Variants in FHIT observed in about 807,000 individuals in gnomAD.
The protein encoded by FHIT is bis(5'-adenosyl)-triphosphatase.
Under a neutral mutation model 17.9 loss-of-function variants are expected in FHIT, and 19 were observed. That is an observed-to-expected ratio of 1.06 (90% CI 0.74 to 1.56). FHIT has a LOEUF of 1.56. Ranked by LOEUF, FHIT falls within the 40% of genes most tolerant of loss-of-function variation. The pLI is 0.00. For synonymous variants in FHIT, 81 were observed against 69.7 expected (o/e 1.16, Z -0.81); for missense variants, 248 against 189.2 (o/e 1.31, Z -1.82).
intron 5 of FHIT, among the ~76,000 whole-genome samples, chr3:60,409,315 T>C (rs1006995100): frequency 7.2e-5 from 11 of 152,136 alleles, no homozygotes; most frequent in Non-Finnish European, 1.2e-4. Context: ...AACCCTTTGT[T>C]TAGAGAGAAG....
chr3:60,214,010 A>G (rs564057824), intron 5 of FHIT, among the ~76,000 whole-genome samples: 2 of 152,178 alleles, frequency 1.3e-5, no homozygotes, highest in Non-Finnish European at 2.9e-5. Context: ...TGTGGAACAT[A>G]GGTGTCATGC....
intron 7 of FHIT, among the ~76,000 whole-genome samples, chr3:59,972,183 C>A (rs1229649644): frequency 1.3e-5 from 2 of 152,014 alleles, no homozygotes; most frequent in African/African-American, 4.8e-5. Flanking sequence ...CAGAATGTGC[C>A]CTGTTAAGTT....
At chr3:61,162,800 C>A (rs890373446) in intron 2 of FHIT, among the ~76,000 whole-genome samples, 1 of 152,014 alleles carries the variant, frequency 6.6e-6, no homozygotes, top group South Asian at 2.1e-4. Context: ...TCAATTAATC[C>A]CCCTACCCCA....
intron 5 of FHIT, among the ~76,000 whole-genome samples, chr3:60,439,292 C>CT (rs2030578656): frequency 6.6e-6 from 1 of 152,106 alleles, no homozygotes; most frequent in Admixed American, 6.6e-5. Context: ...TTATAATGTC[C>CT]TAAAAACATT....
intron 4 of FHIT, among the ~76,000 whole-genome samples, chr3:60,554,255 G>C (rs1576868079): frequency 7.0e-6 from 1 of 142,702 alleles, no homozygotes; most frequent in Non-Finnish European, 1.5e-5. Context: ...AAAAAAAAAA[G>C]AACAAACAAA....
At chr3:61,214,819 G>T (rs918606934) in intron 1 of FHIT, among the ~76,000 whole-genome samples, 15 of 152,276 alleles carry the variant, frequency 9.9e-5, no homozygotes, top group African/African-American at 3.4e-4. Flanking sequence ...ATGATCAAGT[G>T]GGCTTCATCC....
chr3:60,256,842 A>G (rs188058897), intron 5 of FHIT, among the ~76,000 whole-genome samples: 56 of 152,286 alleles, frequency 3.7e-4, no homozygotes, highest in African/African-American at 1.3e-3. Context: ...ACACTCTATG[A>G]TCTTACTAAT....
intron 3 of FHIT, among the ~76,000 whole-genome samples, chr3:60,980,608 C>T (rs1710453447): frequency 6.6e-6 from 1 of 152,132 alleles, no homozygotes; most frequent in African/African-American, 2.4e-5. Context: ...GGTCTCAGAC[C>T]ACTCCCACTC....
chr3:60,061,902 A>C (rs1041495402), intron 5 of FHIT, among the ~76,000 whole-genome samples: 3 of 152,188 alleles, frequency 2.0e-5, no homozygotes, highest in African/African-American at 7.2e-5. Context: ...GTAGGAGAGA[A>C]AGCAAAAGAA....
intron 4 of FHIT, among the ~76,000 whole-genome samples, chr3:60,539,026 T>G (rs903850326): frequency 1.3e-5 from 2 of 151,930 alleles, no homozygotes; most frequent in Admixed American, 6.6e-5. Context: ...GGGAGAAAAT[T>G]TTTGCAATCT....
intron 4 of FHIT, among the ~76,000 whole-genome samples, chr3:60,671,052 T>C (rs1451668847): frequency 1.3e-5 from 2 of 152,098 alleles, no homozygotes; most frequent in Non-Finnish European, 2.9e-5. Flanking sequence ...TGAAGGGAAT[T>C]AAAAATGAAG....
intron 2 of FHIT, among the ~76,000 whole-genome samples, chr3:61,151,224 G>T (rs979725177): frequency 2.6e-5 from 4 of 152,124 alleles, no homozygotes; most frequent in Admixed American, 2.6e-4. Flanking sequence ...CCAAATGTAT[G>T]CATCAACATA....
At chr3:61,214,298 G>C (rs2039594905) in intron 1 of FHIT, among the ~76,000 whole-genome samples, 1 of 152,134 alleles carries the variant, frequency 6.6e-6, no homozygotes, top group Non-Finnish European at 1.5e-5. Flanking sequence ...GAATCAAATA[G>C]ACGCAGTAAA....
intron 5 of FHIT, among the ~76,000 whole-genome samples, chr3:60,121,299 T>C (rs908057485): frequency 6.6e-6 from 1 of 152,210 alleles, no homozygotes; most frequent in African/African-American, 2.4e-5. Flanking sequence ...ATGACTATAA[T>C]AATGTATATA....
chr3:61,025,348 G>A lies in FHIT; in HGVS notation c.-111+16699C>T, dbSNP rs140715723. 1.1e-4 allele frequency among the ~76,000 whole-genome samples: 16 copies of A among 152,304 alleles called. No individual in the cohort carries two copies. In the East Asian group the frequency reaches 2.9e-3, roughly 28 times the overall value. ...CTGCAGTAGAGTAAAGGCCCCAAAA[G>A]TACCCTTAGTTAGGTCAGTGACCAA... On this transcript the variant is annotated intron_variant, in intron 3 of 9. Transcript: ENST00000492590.
At chr3:60,357,170 G>C (rs563818101) in intron 5 of FHIT, among the ~76,000 whole-genome samples, 7 of 152,124 alleles carry the variant, frequency 4.6e-5, no homozygotes, top group Non-Finnish European at 1.0e-4. Context: ...AAATAATCAG[G>C]TCTTCCCCAG....
Position 61,004,444 on chromosome 3 carries a change from T to G in FHIT, c.-111+37603A>C, listed in dbSNP as rs533920130. 3.9e-5 allele frequency among the ~76,000 whole-genome samples: 6 copies of G among 152,304 alleles called. No homozygotes were observed. The East Asian group carries it at 1.2e-3, about 29-fold the overall frequency. The stretch of plus-strand genomic sequence containing the variant: ...AGGAAGGTTTAATAAAGGGACTATT[T>G]ATAAAACTTTGGGTAGTATGTAGGA... On this transcript the variant is annotated intron_variant, in intron 3 of 9. Coordinates refer to ENST00000492590, the MANE Select transcript of FHIT (RefSeq NM_002012.4).
chr3:60,466,545 C>T (rs567811400), intron 5 of FHIT, among the ~76,000 whole-genome samples: 7 of 151,864 alleles, frequency 4.6e-5, no homozygotes, highest in Non-Finnish European at 8.8e-5. Context: ...AAGGTATGTT[C>T]CTTCTATACA....
intron 5 of FHIT, among the ~76,000 whole-genome samples, chr3:60,471,221 A>G (rs440692): frequency 0.5 from 76,223 of 151,982 alleles, 21,456 homozygotes; most frequent in African/African-American, 0.75. Context: ...TCACCAGCTG[A>G]TATCTTCTTA....
Sources: allele counts gnomAD v4.1 joint callset (sites outside exome capture counted in the v4.1 genomes callset), GRCh38; gene constraint gnomAD v4.1.1; transcripts MANE v1.5; gene names NCBI Gene and HGNC (gene_info 2026-07-23, HGNC 2026-07-21).